DOCK4: variants seen among roughly 807,000 people sequenced by gnomAD.
DOCK4 encodes the protein dedicator of cytokinesis protein 4.
In DOCK4, 97 loss-of-function variants were observed where a neutral mutation model predicts 268.1. That is an observed-to-expected ratio of 0.36 (90% CI 0.31 to 0.43). The LOEUF (loss-of-function observed/expected upper bound fraction) is 0.43, where lower values mean the gene tolerates loss of function less well. DOCK4 is among the 20% of genes least tolerant of loss of function. DOCK4 has a pLI of 1.00. For synonymous variants in DOCK4, 954 were observed against 887.2 expected, an observed-to-expected ratio of 1.08 and a Z score of -1.34; for missense variants, 2,145 against 2,455.7, an observed-to-expected ratio of 0.87 and a Z score of 2.67.
At chr7:112,118,652 T>C (rs981501226) in intron 1 of DOCK4, among the ~76,000 whole-genome samples, 5 of 152,188 alleles carry the variant, frequency 3.3e-5, no homozygotes, top group Admixed American at 2.0e-4. Context: ...TTCAGTAATA[T>C]AGACCAAGAT....
intron 12 of DOCK4, among the ~76,000 whole-genome samples, chr7:111,934,701 T>G (rs1445057434): frequency 1.4e-5 from 2 of 144,734 alleles, no homozygotes; most frequent in Non-Finnish European, 3.0e-5. Flanking sequence ...GGCTAATTTT[T>G]GTATTTTTTT....
intron 1 of DOCK4, among the ~76,000 whole-genome samples, chr7:112,195,260 C>T (rs1820318162): frequency 6.6e-6 from 1 of 152,160 alleles, no homozygotes; most frequent in South Asian, 2.1e-4. Flanking sequence ...GCCTGGGCAA[C>T]AGAATGAGAC....
chr7:111,950,389 A>G (rs1486284997), intron 8 of DOCK4, among the ~76,000 whole-genome samples: 2 of 152,252 alleles, frequency 1.3e-5, no homozygotes, highest in Non-Finnish European at 1.5e-5. Context: ...TGTAAACTTA[A>G]AAAATGTCCT....
chr7:111,844,458 A>C (rs1301203740), intron 25 of DOCK4, among the ~76,000 whole-genome samples: 1 of 152,202 alleles, frequency 6.6e-6, no homozygotes, highest in Non-Finnish European at 1.5e-5. Flanking sequence ...ATGGATGATA[A>C]GAGAATAAAA....
At chr7:111,929,847 G>A (rs968854627) in intron 12 of DOCK4, among the ~76,000 whole-genome samples, 9 of 152,162 alleles carry the variant, frequency 5.9e-5, no homozygotes, top group African/African-American at 2.2e-4. Flanking sequence ...AGCTACATGT[G>A]CAAACCATAG....
chr7:112,000,979 C>T (rs1479221656), intron 2 of DOCK4, among the ~76,000 whole-genome samples: 1 of 152,188 alleles, frequency 6.6e-6, no homozygotes, highest in Non-Finnish European at 1.5e-5. Context: ...TGCCTGACTA[C>T]AAACGCCAGA....
intron 1 of DOCK4, among the ~76,000 whole-genome samples, chr7:112,082,553 C>T (rs1046771403): frequency 6.6e-5 from 10 of 152,112 alleles, no homozygotes; most frequent in Admixed American, 6.6e-4. Flanking sequence ...TTGTTCGCTA[C>T]AAAATTATTT....
intron 26 of DOCK4, among the ~76,000 whole-genome samples, chr7:111,829,644 T>C (rs994174426): frequency 1.9e-4 from 29 of 152,216 alleles, no homozygotes; most frequent in Non-Finnish European, 1.9e-4. Flanking sequence ...AGTCAACAAT[T>C]GATATCTGTA....
At chr7:111,913,599 T>TG (rs1400430117) in intron 13 of DOCK4, among the ~76,000 whole-genome samples, 1 of 150,802 alleles carries the variant, frequency 6.6e-6, no homozygotes, top group Non-Finnish European at 1.5e-5. Context: ...TTAGTAGAGA[T>TG]GGGGTTTCAC....
intron 8 of DOCK4, among the ~76,000 whole-genome samples, chr7:111,973,411 C>T (rs965496251): frequency 3.3e-5 from 5 of 151,840 alleles, no homozygotes; most frequent in African/African-American, 4.8e-5. Context: ...TGATTTTAAA[C>T]GTTTGCAATT....
rs115316797 is a variant in DOCK4, at chr7:112,067,090, G to T, written c.38-62959C>A. ...GCTACTCAGAAGGCTATAGTGAGAG[G>T]ATTGCTTCACCCAGGGAGGTGGAGG... On this transcript the variant is annotated intron_variant, in intron 1 of 52. Coordinates refer to ENST00000428084, the MANE Select transcript of DOCK4 (RefSeq NM_001363540.2). Among the ~76,000 whole-genome samples the T allele has an allele frequency of 5.1e-3, 781 of 151,834 alleles. 11 individuals carry two copies. Among genetic ancestry groups the T allele is most frequent in the African/African-American group, 0.018 (740 of 41,416 alleles).
chr7:111,840,143 A>C (rs1034792545), intron 25 of DOCK4, among the ~76,000 whole-genome samples: 1 of 152,220 alleles, frequency 6.6e-6, no homozygotes, highest in African/African-American at 2.4e-5. Context: ...GAATTTCTAC[A>C]AATGACTGTG....
chr7:112,091,016 G>A (rs1202307913), intron 1 of DOCK4, among the ~76,000 whole-genome samples: 3 of 152,106 alleles, frequency 2.0e-5, no homozygotes, highest in East Asian at 1.9e-4. Context: ...GTCTGTTTAC[G>A]AATCATCAGT....
intron 1 of DOCK4, among the ~76,000 whole-genome samples, chr7:112,154,485 T>G (rs1181942549): frequency 7.3e-6 from 1 of 136,298 alleles, no homozygotes; most frequent in Non-Finnish European, 1.6e-5. Context: ...AGTTCTACAG[T>G]GATGTTTTAC....
chr7:112,018,628 CTT>C (rs1044654939), intron 1 of DOCK4, among the ~76,000 whole-genome samples: 4 of 152,204 alleles, frequency 2.6e-5, no homozygotes, highest in South Asian at 4.1e-4. Flanking sequence ...TCTGGGTTGT[CTT>C]TGTTTGCCAA....
chr7:111,991,940 A>C (rs534566719), intron 5 of DOCK4, among the ~76,000 whole-genome samples: 2 of 130,290 alleles, frequency 1.5e-5, no homozygotes, highest in South Asian at 2.6e-4. Context: ...CAGCCTGGGC[A>C]ACAGAGAGAG....
chr7:111,731,518 C>T (rs1447103524), intron 52 of DOCK4, among the ~76,000 whole-genome samples: 2 of 135,336 alleles, frequency 1.5e-5, no homozygotes, highest in East Asian at 2.2e-4. Flanking sequence ...ACTGACAATC[C>T]TTGAAGCCGG....
At chr7:112,148,349 C>A (rs1305542409) in intron 1 of DOCK4, among the ~76,000 whole-genome samples, 2 of 152,080 alleles carry the variant, frequency 1.3e-5, no homozygotes, top group African/African-American at 4.8e-5. Flanking sequence ...ATAGAACCAA[C>A]CCCCTTTGGA....
chr7:111,807,104 A>G (rs1800732503), intron 30 of DOCK4, among the ~76,000 whole-genome samples: 2 of 152,198 alleles, frequency 1.3e-5, no homozygotes, highest in South Asian at 4.1e-4. Flanking sequence ...CAATGCTGAG[A>G]TGTATCTAGA....
Sources: allele counts gnomAD v4.1 joint callset (sites outside exome capture counted in the v4.1 genomes callset), GRCh38; gene constraint gnomAD v4.1.1; transcripts MANE v1.5; gene names NCBI Gene and HGNC (gene_info 2026-07-23, HGNC 2026-07-21).